C17orf114: variants seen among roughly 807,000 people sequenced by gnomAD.
C17orf114 encodes uncharacterized protein C17orf114.
intron 1 of C17orf114, among the ~76,000 whole-genome samples, 188 bp from the exon 2 acceptor site, chr17:4,801,643 C>G (rs1187040446): frequency 6.6e-6 from 1 of 152,064 alleles, no homozygotes; most frequent in African/African-American, 2.4e-5. Context: ...GGCTCGCACA[C>G]ATGTGACCTG....
chr17:4,806,379 G>A (rs973569222), upstream of C17orf114, among the ~76,000 whole-genome samples: 1 of 152,242 alleles, frequency 6.6e-6, no homozygotes, highest in South Asian at 2.1e-4. Context: ...ATGTTTACAG[G>A]AGCTAAAACA....
intron 1 of C17orf114, among the ~76,000 whole-genome samples, chr17:4,801,772 C>T (rs920746090): frequency 6.6e-6 from 1 of 151,804 alleles, no homozygotes; most frequent in African/African-American, 2.4e-5. Flanking sequence ...ACTCTGTTGC[C>T]CAGGCTGGAG....
chr17:4,802,083 T>C (rs1905527099), intron 1 of C17orf114, among the ~76,000 whole-genome samples, 164 bp downstream of exon 1: 1 of 152,152 alleles, frequency 6.6e-6, no homozygotes, highest in Non-Finnish European at 1.5e-5. Context: ...AACTGGGCCC[T>C]ACAAAGTATT....
chr17:4,802,403 G>A (rs951968296), upstream of C17orf114: 9 of 398,348 alleles, frequency 2.3e-5, no homozygotes, highest in Non-Finnish European at 4.0e-5. Flanking sequence ...CCCCACCATG[G>A]GCAAAACTAC....
upstream of C17orf114, chr17:4,806,764 C>G (rs1182821405): frequency 6.6e-6 from 1 of 151,482 alleles, no homozygotes; most frequent in Non-Finnish European, 1.5e-5. Flanking sequence ...GCTCCCGCAG[C>G]GGAGGCGCGT....
At chr17:4,806,271 G>A (rs576285315), upstream of C17orf114, among the ~76,000 whole-genome samples, 1 of 152,070 alleles carries the variant, frequency 6.6e-6, no homozygotes, top group South Asian at 2.1e-4. Context: ...AAATCGTTTG[G>A]CAGTTTCTTA....
upstream of C17orf114, among the ~76,000 whole-genome samples, chr17:4,806,460 A>G (rs1350788124): frequency 6.6e-6 from 1 of 152,210 alleles, no homozygotes; most frequent in African/African-American, 2.4e-5. Flanking sequence ...AAAGATTGAA[A>G]TATCTTGTAT....
chr17:4,805,024 TATC>T (rs891260029), upstream of C17orf114, among the ~76,000 whole-genome samples: 1 of 152,204 alleles, frequency 6.6e-6, no homozygotes, highest in African/African-American at 2.4e-5. Flanking sequence ...AGGGCATTCT[TATC>T]ATCCTGGAAT....
chr17:4,804,501 G>A (rs1445152300), upstream of C17orf114, among the ~76,000 whole-genome samples: 1 of 151,914 alleles, frequency 6.6e-6, no homozygotes, highest in Non-Finnish European at 1.5e-5. Context: ...ACTGCGCCCA[G>A]CCACAAGTGC....
At chr17:4,801,929 C>T (rs1380037044) in intron 1 of C17orf114, among the ~76,000 whole-genome samples, 1 of 152,000 alleles carries the variant, frequency 6.6e-6, no homozygotes, top group African/African-American at 2.4e-5. Context: ...GTGGGTTTCA[C>T]CGTGTTAGCC....
exon 2 of C17orf114, chr17:4,801,335 C>T (rs576280890): frequency 4.5e-5 from 18 of 398,774 alleles, no homozygotes; most frequent in Non-Finnish European, 6.6e-5. Flanking sequence ...CAGCTGGTGG[C>T]GGAAGGAGAG....
At chr17:4,801,197 G>A (rs889142618) in exon 2 of C17orf114, 1 of 397,946 alleles carries the variant, frequency 2.5e-6, no homozygotes, top group African/African-American at 2.1e-5. Context: ...AGGTTAGAAA[G>A]GACTTGGGGA....
upstream of C17orf114, among the ~76,000 whole-genome samples, chr17:4,804,282 G>A (rs565112592): frequency 7.4e-5 from 11 of 149,024 alleles, no homozygotes; most frequent in Middle Eastern, 3.5e-3. Context: ...TCAGCTCACT[G>A]CAACCTCCGC....
chr17:4,802,469 G>T (rs564980447), upstream of C17orf114: 3 of 395,518 alleles, frequency 7.6e-6, no homozygotes, highest in Admixed American at 1.3e-4. Context: ...AAGGGGAGAG[G>T]AGGGAGGAAG....
upstream of C17orf114, among the ~76,000 whole-genome samples, chr17:4,805,517 G>T (rs1356936039): frequency 6.6e-6 from 1 of 151,860 alleles, no homozygotes; most frequent in African/African-American, 2.4e-5. Context: ...TTGAGGTCTG[G>T]AGTTTGAGAC....
upstream of C17orf114, among the ~76,000 whole-genome samples, chr17:4,806,062 G>A (rs1473309466): frequency 1.3e-5 from 2 of 152,188 alleles, no homozygotes; most frequent in Non-Finnish European, 2.9e-5. Flanking sequence ...ACATACAAAT[G>A]GCCAATCAGC....
upstream of C17orf114, among the ~76,000 whole-genome samples, chr17:4,803,103 G>A (rs1048807957): frequency 6.6e-6 from 1 of 151,942 alleles, no homozygotes; most frequent in Non-Finnish European, 1.5e-5. Flanking sequence ...ATTTTTAGTA[G>A]AGACGGGGTT....
upstream of C17orf114, among the ~76,000 whole-genome samples, chr17:4,806,535 C>A (rs1485428489): frequency 6.6e-6 from 1 of 152,196 alleles, no homozygotes; most frequent in Non-Finnish European, 1.5e-5. Flanking sequence ...GGCTCTCTAA[C>A]CATCTTATTT....
chr17:4,802,854 A>G (rs1482805574), upstream of C17orf114, among the ~76,000 whole-genome samples: 1 of 152,166 alleles, frequency 6.6e-6, no homozygotes, highest in African/African-American at 2.4e-5. Flanking sequence ...GTAATTGATT[A>G]ATTATGCTGT....
Sources: allele counts gnomAD v4.1 joint callset (sites outside exome capture counted in the v4.1 genomes callset), GRCh38; gene constraint gnomAD v4.1.1; transcripts MANE v1.5; gene names NCBI Gene and HGNC (gene_info 2026-07-23, HGNC 2026-07-21).